AKNA: variants seen among roughly 807,000 people sequenced by gnomAD.
The protein encoded by AKNA is microtubule organization protein AKNA.
Under a neutral mutation model 138.8 loss-of-function variants are expected in AKNA, and 67 were observed. The ratio of observed to expected loss-of-function variants is 0.48; its 90% CI spans 0.40 to 0.59. AKNA has a LOEUF of 0.59. Among genes scored for constraint, AKNA ranks in the 20% least tolerant of loss-of-function variants. AKNA has a pLI of 0.00. For synonymous variants in AKNA, 737 were observed against 754.4 expected (o/e 0.98, Z 0.38); for missense variants, 1,813 against 1,880.4 (o/e 0.96, Z 0.66).
At chr9:114,373,513 G>T (rs1287405501) in intron 4 of AKNA, among the ~76,000 whole-genome samples, 2 of 152,172 alleles carry the variant, frequency 1.3e-5, no homozygotes, top group Admixed American at 1.3e-4. Flanking sequence ...CACACAGCTG[G>T]TTAGCAATGG....
chr9:114,360,139 G>C, intron 9 of AKNA, 77 bp from the exon 10 acceptor site: 1 of 1,588,700 alleles, frequency 6.3e-7, no homozygotes, highest in Non-Finnish European at 8.6e-7. Context: ...CTCCTGCCAG[G>C]CTCGAGCTGT....
intron 14 of AKNA, among the ~76,000 whole-genome samples, chr9:114,352,415 T>C (rs1831188797): frequency 6.7e-6 from 1 of 150,334 alleles, no homozygotes; most frequent in African/African-American, 2.5e-5. Context: ...CTGGCCAACA[T>C]GGTGAAACCC....
At chr9:114,392,624 T>G (rs1834389438), upstream of AKNA, among the ~76,000 whole-genome samples, 1 of 152,256 alleles carries the variant, frequency 6.6e-6, no homozygotes. Flanking sequence ...TGTTCACAAA[T>G]AAATGGCCTT....
intron 1 of AKNA, chr9:114,383,026 G>A (rs1202865846): frequency 7.1e-6 from 3 of 420,308 alleles, no homozygotes; most frequent in African/African-American, 4.1e-5. Context: ...CGAGTGAGGA[G>A]TGAGGCGAGC....
intron 1 of AKNA, among the ~76,000 whole-genome samples, chr9:114,385,499 C>A (rs533068727): frequency 6.6e-6 from 1 of 152,144 alleles, no homozygotes; most frequent in South Asian, 2.1e-4. Context: ...GGGAGGTGTG[C>A]GGTTTTTTGA....
upstream of AKNA, among the ~76,000 whole-genome samples, chr9:114,397,535 A>G (rs2132169329): frequency 6.6e-6 from 1 of 152,314 alleles, no homozygotes; most frequent in South Asian, 2.1e-4. Flanking sequence ...CTATCTCAGA[A>G]GCAGGTCTTT....
intron 10 of AKNA, 50 bp downstream of exon 10, chr9:114,359,846 A>T: frequency 6.2e-7 from 1 of 1,613,462 alleles, no homozygotes; most frequent in Middle Eastern, 1.6e-4. Flanking sequence ...GGGGACAGCC[A>T]AGATCCAGCT....
chr9:114,360,981 G>A, intron 9 of AKNA, among the ~76,000 whole-genome samples: 1 of 151,944 alleles, frequency 6.6e-6, no homozygotes, highest in Non-Finnish European at 1.5e-5. Context: ...CCCTCTCACG[G>A]CCACTCCAAG....
rs1354482948 is a variant in AKNA at position 114,335,820 on chromosome 9, AG to A, written c.*1233del. 3 of 152,200 alleles carry A rather than the reference AG, an allele frequency of 2.0e-5. No homozygotes were observed. Among genetic ancestry groups the A allele is most frequent in the Non-Finnish European group, 1.5e-5 (1 of 68,124 alleles). The allele number at this position is 152,200 out of a possible 1,614,324, so 9.4% of individuals were successfully genotyped here. A position where few individuals can be genotyped will look rare whatever the true frequency, so the allele number is the denominator to read the frequency against. ...GAAAAAAGAAAAAAAAAAGAAAGAA[AG>A]GAGCACTGGAGAGTCCAGGTGCATA... is the stretch of plus-strand genomic sequence containing the variant. On this transcript the variant is annotated 3_prime_UTR_variant, in exon 22 of 22. Transcript: ENST00000374088.
Position 114,362,430 on chromosome 9 carries a change from G to C in AKNA, c.1892C>G (p.Thr631Arg). The stretch of plus-strand genomic sequence containing the variant: ...CCTGCGAGGATCAAATCTTCCAGGC[G>C]TCCCCTTGGAGCCGGCAAGCGGCTG... ...PAQPLAGSKG[T>R]PGRFDPRREL... The change falls in exon 8 of 22, where the codon ACG (threonine) becomes AGG (arginine). Residue 631 changes from threonine (T) to arginine (R), a missense_variant. Physicochemically the swap from Thr to Arg is moderately conservative, Grantham distance 71. Coordinates refer to ENST00000374088, the MANE Select transcript of AKNA (RefSeq NM_001317950.2). 6.2e-7 allele frequency: 1 copy of C among 1,612,188 alleles called. No individual in the cohort carries two copies. Among genetic ancestry groups the C allele is most frequent in the Non-Finnish European group, 8.5e-7 (1 of 1,179,166 alleles).
At chr9:114,370,874 CA>C (rs931769365) in intron 4 of AKNA, among the ~76,000 whole-genome samples, 30 of 152,314 alleles carry the variant, frequency 2.0e-4, no homozygotes, top group African/African-American at 5.5e-4. Context: ...CATCCCCACC[CA>C]GGGGCTTCTA....
At position 114,355,946 on chromosome 9, in the gene AKNA, G is replaced by C. The variant is rs756832240; in HGVS notation, c.3037C>G (p.Arg1013Gly). 6.2e-7 allele frequency: 1 copy of C among 1,614,188 alleles called. No individual in the cohort carries two copies. Among genetic ancestry groups the C allele is most frequent in the Non-Finnish European group, 8.5e-7 (1 of 1,180,012 alleles). ...RQRAPNFSLE[R>G]TLAAEMAVPG... ...TCACCCATCTCGGCTGCCAGTGTCC[G>C]CTCCAGGCTGAAGTTGGGTGCCCTC... Residue 1013 changes from arginine (R) to glycine (G), a missense_variant, in exon 14 of 22, where the codon CGG becomes GGG. Arg to Gly is a moderately radical substitution (Grantham distance 125). Transcript: ENST00000374088.
At chr9:114,344,407 G>A (rs1392657470) in intron 18 of AKNA, 1 of 152,948 alleles carries the variant, frequency 6.5e-6, no homozygotes, top group Non-Finnish European at 1.5e-5. Flanking sequence ...AGAAAGCTGG[G>A]CGGACTGTGG....
chr9:114,346,827 G>A, intron 16 of AKNA, 43 bp from the exon 17 acceptor site: 1 of 1,547,530 alleles, frequency 6.5e-7, no homozygotes, highest in Non-Finnish European at 8.9e-7. Flanking sequence ...ATGAGGTTTT[G>A]TGTGGCCTTT....
intron 21 of AKNA, among the ~76,000 whole-genome samples, chr9:114,338,262 G>A (rs987741896): frequency 6.6e-6 from 1 of 152,196 alleles, no homozygotes; most frequent in Non-Finnish European, 1.5e-5. Flanking sequence ...TTTCTCCAAA[G>A]GAGCTATTCA....
intron 2 of AKNA, among the ~76,000 whole-genome samples, chr9:114,378,660 G>A (rs1285413292): frequency 6.6e-6 from 1 of 151,972 alleles, no homozygotes; most frequent in Admixed American, 6.6e-5. Flanking sequence ...TTACATAGTG[G>A]GTACTCAAGA....
At chr9:114,394,954 G>T (rs377753348), upstream of AKNA, among the ~76,000 whole-genome samples, 34 of 151,146 alleles carry the variant, frequency 2.2e-4, 3 homozygotes, top group Admixed American at 1.8e-3. Flanking sequence ...AGCTGGCAGT[G>T]GGGGGGCTGG....
At chr9:114,338,735 C>T (rs556954630) in intron 21 of AKNA, among the ~76,000 whole-genome samples, 19 of 152,282 alleles carry the variant, frequency 1.2e-4, no homozygotes, top group Admixed American at 5.9e-4. Context: ...CCACCTAAAA[C>T]GACCACAGTT....
chr9:114,343,644 C>A (rs1290802371), intron 19 of AKNA, 64 bp downstream of exon 19: 27 of 1,522,064 alleles, frequency 1.8e-5, no homozygotes, highest in Middle Eastern at 1.7e-4. Flanking sequence ...AGTACACACT[C>A]CCCTGAGGGC....
Sources: allele counts gnomAD v4.1 joint callset (sites outside exome capture counted in the v4.1 genomes callset), GRCh38; gene constraint gnomAD v4.1.1; transcripts MANE v1.5; gene names NCBI Gene and HGNC (gene_info 2026-07-23, HGNC 2026-07-21).